The following CDYL variants were observed in gnomAD, a reference collection of about 807,000 sequenced individuals.
CDYL encodes the protein chromodomain Y-like protein.
A neutral mutation model predicts 47.3 loss-of-function variants in CDYL; 8 were observed. The observed-to-expected ratio is 0.17, with a 90% CI of 0.10 to 0.31. The LOEUF (loss-of-function observed/expected upper bound fraction) is 0.31, where lower values mean the gene tolerates loss of function less well. Among genes scored for constraint, CDYL ranks in the 10% least tolerant of loss-of-function variants. CDYL has a pLI of 1.00. For missense variants in CDYL, 471 were observed against 701.4 expected (o/e 0.67, Z 3.71); for synonymous variants, 266 against 265.0 (o/e 1.00, Z -0.04).
At chr6:4,771,571 C>G (rs1486507989), upstream of CDYL, among the ~76,000 whole-genome samples, 1 of 152,228 alleles carries the variant, frequency 6.6e-6, no homozygotes, top group Non-Finnish European at 1.5e-5. Flanking sequence ...AATCTTCCAA[C>G]TCATTTACAC....
chr6:4,926,458 ACT>A (rs1186656110), intron 2 of CDYL, among the ~76,000 whole-genome samples: 1 of 151,160 alleles, frequency 6.6e-6, no homozygotes, highest in Non-Finnish European at 1.5e-5. Flanking sequence ...CAGTTTTTGA[ACT>A]CTTTTTGCAG....
Position 4,892,126 on chromosome 6 carries a change from A to G in CDYL, c.438A>G (p.Lys146=), listed in dbSNP as rs1762063870. The G allele has an allele frequency of 1.2e-6, 2 of 1,614,084 alleles. No individual in the cohort carries two copies. Among genetic ancestry groups the G allele is most frequent in the Non-Finnish European group, 1.7e-6 (2 of 1,180,030 alleles). ...AKSGIKILVP[K]SPVKSRTAVD... ...CAGGTATCAAGATCCTCGTGCCTAA[A>G]AGCCCCGTTAAGAGCAGGACCGCAG... The change falls in exon 2 of 7, where the codon AAA becomes AAG. Residue 146 remains lysine (K), a synonymous_variant. Transcript: ENST00000397588.
At chr6:4,813,720 CAA>C (rs1198669024) in intron 1 of CDYL, among the ~76,000 whole-genome samples, 2 of 151,390 alleles carry the variant, frequency 1.3e-5, no homozygotes, top group Non-Finnish European at 2.9e-5. Context: ...GAATTTGCCT[CAA>C]GTTTCTATCT....
chr6:4,708,063 A>T (rs887630663), intron 1 of CDYL, among the ~76,000 whole-genome samples: 2 of 152,046 alleles, frequency 1.3e-5, no homozygotes, highest in Non-Finnish European at 2.9e-5. Flanking sequence ...ACTTACTGAA[A>T]CTTCCTTTAT....
chr6:4,713,584 AGATTC>A (rs762328803), intron 1 of CDYL, among the ~76,000 whole-genome samples: 2,309 of 80,966 alleles, frequency 0.029, 42 homozygotes, highest in African/African-American at 0.058. Flanking sequence ...TCTATCATTT[AGATTC>A]TTTTTTTTTT....
chr6:4,953,860 A>C, intron 6 of CDYL, 38 bp from the exon 7 acceptor site: 2 of 1,599,382 alleles, frequency 1.3e-6, no homozygotes, highest in African/African-American at 1.3e-5. Flanking sequence ...GTCTGCCCGC[A>C]TGCACCCTGC....
chr6:4,845,594 A>G (rs1404005693), intron 1 of CDYL, among the ~76,000 whole-genome samples: 1 of 152,158 alleles, frequency 6.6e-6, no homozygotes, highest in Non-Finnish European at 1.5e-5. Flanking sequence ...GACAATAAAT[A>G]TTTTACGCTT....
intron 2 of CDYL, among the ~76,000 whole-genome samples, chr6:4,893,586 A>G (rs924934517): frequency 2.6e-5 from 4 of 152,188 alleles, no homozygotes; most frequent in South Asian, 2.1e-4. Flanking sequence ...CCGGCTGCTC[A>G]GGAGGGTGAG....
At chr6:4,791,747 A>C (rs1221986508) in intron 1 of CDYL, among the ~76,000 whole-genome samples, 1 of 152,090 alleles carries the variant, frequency 6.6e-6, no homozygotes, top group East Asian at 1.9e-4. Flanking sequence ...ACCCTGGTCT[A>C]ACTACTACGA....
chr6:4,837,295 T>C (rs1020477605), intron 1 of CDYL, among the ~76,000 whole-genome samples: 1 of 152,244 alleles, frequency 6.6e-6, no homozygotes, highest in African/African-American at 2.4e-5. Context: ...AAAATTGTTA[T>C]ACAATCTTTT....
chr6:4,870,359 A>C (rs1761438925), intron 1 of CDYL, among the ~76,000 whole-genome samples: 1 of 152,196 alleles, frequency 6.6e-6, no homozygotes, highest in Non-Finnish European at 1.5e-5. Flanking sequence ...TTTCTGATGA[A>C]GAGTCAGCCA....
Position 4,842,463 on chromosome 6 carries a change from A to G in CDYL, c.25-49250A>G, listed in dbSNP as rs1166971011. On this transcript the variant is annotated intron_variant, in intron 1 of 6. Transcript: ENST00000397588. ...TTAGGAGCTGTGGTGTTAGGTGCGT[A>G]TATATTTAGGATTGTGATATTTTTC... 9.2e-5 allele frequency among the ~76,000 whole-genome samples: 14 copies of G among 151,740 alleles called. No individual in the cohort carries two copies. In the East Asian group the frequency reaches 2.7e-3, roughly 29 times the overall value.
chr6:4,715,772 G>A (rs771910078), exon 2 of CDYL: 28 of 1,613,882 alleles, frequency 1.7e-5, no homozygotes, highest in Non-Finnish European at 5.9e-6. Flanking sequence ...GCCCCCGGAA[G>A]AATTTTATGA....
intron 1 of CDYL, among the ~76,000 whole-genome samples, chr6:4,713,830 T>C (rs111527010): frequency 0.063 from 9,597 of 152,264 alleles, 338 homozygotes; most frequent in Middle Eastern, 0.13. Context: ...TCCAGTGATC[T>C]GCCTGCCTCG....
intron 2 of CDYL, among the ~76,000 whole-genome samples, chr6:4,716,337 G>A (rs10484832): frequency 0.02 from 3,081 of 151,564 alleles, 41 homozygotes; most frequent in Middle Eastern, 0.062. Context: ...CTAGCTGTTC[G>A]GACAACGCCT....
chr6:4,811,608 CTTTT>C (rs397975784), intron 1 of CDYL, among the ~76,000 whole-genome samples: 11 of 126,714 alleles, frequency 8.7e-5, no homozygotes, highest in Non-Finnish European at 1.7e-5. Flanking sequence ...TGACATTATT[CTTTT>C]TTTTTTTTTT....
chr6:4,774,860 C>T (rs1246875763), upstream of CDYL: 1 of 152,298 alleles, frequency 6.6e-6, no homozygotes, highest in Admixed American at 6.5e-5. Flanking sequence ...GAAGGCTATC[C>T]TTTTAAGGTG....
intron 1 of CDYL, among the ~76,000 whole-genome samples, chr6:4,711,969 G>A (rs907706615): frequency 2.6e-5 from 4 of 152,196 alleles, no homozygotes; most frequent in African/African-American, 9.6e-5. Context: ...GGAGGCTGAG[G>A]TGGGAGGATC....
At chr6:4,873,391 T>C (rs1464197273) in intron 1 of CDYL, among the ~76,000 whole-genome samples, 1 of 152,176 alleles carries the variant, frequency 6.6e-6, no homozygotes, top group Non-Finnish European at 1.5e-5. Context: ...TTTATGCACA[T>C]AGAATTCCCA....
Sources: gnomAD v4.1 joint callset for allele counts (sites outside exome capture counted in the v4.1 genomes callset) on GRCh38, gnomAD v4.1.1 for gene constraint, MANE v1.5 for transcripts, NCBI Gene and HGNC (gene_info 2026-07-23, HGNC 2026-07-21) for gene names.